ENOX1: variants seen among roughly 807,000 people sequenced by gnomAD.
ENOX1 encodes candidate growth-related and time keeping constitutive hydroquinone (NADH) oxidase.
In ENOX1, 42 loss-of-function variants were observed where a neutral mutation model predicts 82.5. That is an observed-to-expected ratio of 0.51 (90% confidence interval 0.40 to 0.66). The LOEUF is 0.66. ENOX1 is among the 30% of genes least tolerant of loss of function. The pLI is 0.00. For synonymous variants in ENOX1, 271 were observed against 282.2 expected (o/e 0.96, Z 0.40); for missense variants, 608 against 811.6 (o/e 0.75, Z 3.05).
At position 43,213,538 on chromosome 13, in the gene ENOX1, C is replaced by CTTTTTTTTTTTT. The variant is rs2041290346; in HGVS notation, c.*451_*452insAAAAAAAAAAAA. 4 of 97,866 alleles carry CTTTTTTTTTTTT rather than the reference C, an allele frequency of 4.1e-5. No individual in the cohort carries two copies. The highest frequency in any genetic ancestry group is 6.3e-5 in the Non-Finnish European group (3 of 47,516). 6.1% of individuals were successfully genotyped at this position (97,866 alleles called of 1,614,324 possible). ...TTTTCTTTTTTCTTTTTTTCTTTTT[C>CTTTTTTTTTTTT]TTTTTCTTTTTTTTTTTTTTTTTTT... On this transcript the variant is annotated 3_prime_UTR_variant, in exon 17 of 17. Transcript: ENST00000690772.
intron 11 of ENOX1, among the ~76,000 whole-genome samples, chr13:43,300,972 C>T (rs960449615): frequency 6.6e-6 from 1 of 152,172 alleles, no homozygotes; most frequent in South Asian, 2.1e-4. Context: ...TGTCCACACC[C>T]TGAGATACCA....
intron 5 of ENOX1, among the ~76,000 whole-genome samples, chr13:43,410,625 TACACAC>T (rs60371956): frequency 4.1e-5 from 6 of 146,928 alleles, no homozygotes; most frequent in South Asian, 2.2e-4. Context: ...TACACACATG[TACACAC>T]ACACACACAC....
At chr13:43,254,102 A>G (rs758533735) in intron 14 of ENOX1, among the ~76,000 whole-genome samples, 1 of 152,138 alleles carries the variant, frequency 6.6e-6, no homozygotes, top group African/African-American at 2.4e-5. Flanking sequence ...CATTTTGTTA[A>G]ACTTTAAATT....
At chr13:43,582,253 A>T (rs995287169) in intron 2 of ENOX1, among the ~76,000 whole-genome samples, 7 of 152,122 alleles carry the variant, frequency 4.6e-5, no homozygotes, top group African/African-American at 1.4e-4. Flanking sequence ...TTTAAAAAAA[A>T]TCCACAGGAT....
At chr13:43,250,073 A>G (rs911181283) in intron 14 of ENOX1, among the ~76,000 whole-genome samples, 4 of 151,378 alleles carry the variant, frequency 2.6e-5, no homozygotes, top group Non-Finnish European at 1.5e-5. Flanking sequence ...CATTTTATAG[A>G]TTAAACACTG....
chr13:43,405,815 G>T (rs1028617143), intron 5 of ENOX1, among the ~76,000 whole-genome samples: 2 of 152,186 alleles, frequency 1.3e-5, no homozygotes, highest in African/African-American at 4.8e-5. Flanking sequence ...CTCTATAGGG[G>T]TTACAAACAT....
At chr13:43,745,514 A>T (rs1173699623) in intron 1 of ENOX1, among the ~76,000 whole-genome samples, 1 of 152,204 alleles carries the variant, frequency 6.6e-6, no homozygotes, top group Non-Finnish European at 1.5e-5. Context: ...CACATACACT[A>T]TATTTTTAAA....
chr13:43,258,037 G>A (rs1170069357), intron 14 of ENOX1, among the ~76,000 whole-genome samples: 1 of 152,176 alleles, frequency 6.6e-6, no homozygotes, highest in Non-Finnish European at 1.5e-5. Context: ...GACCAAGCAG[G>A]TACCACCAAC....
intron 3 of ENOX1, among the ~76,000 whole-genome samples, chr13:43,430,470 C>G (rs1456258961): frequency 6.6e-6 from 1 of 152,110 alleles, no homozygotes. Flanking sequence ...TCTTTATTCC[C>G]TCTTTTTTTT....
At chr13:43,474,120 G>A (rs917328938) in intron 3 of ENOX1, among the ~76,000 whole-genome samples, 1 of 152,138 alleles carries the variant, frequency 6.6e-6, no homozygotes, top group African/African-American at 2.4e-5. Context: ...AAACTGTTGT[G>A]ATTCCTTCCA....
At chr13:43,561,589 A>G (rs1436890843) in intron 2 of ENOX1, among the ~76,000 whole-genome samples, 1 of 152,188 alleles carries the variant, frequency 6.6e-6, no homozygotes, top group Admixed American at 6.5e-5. Context: ...TACATATAGC[A>G]CAATAGAAAA....
intron 2 of ENOX1, among the ~76,000 whole-genome samples, chr13:43,607,511 TAA>T (rs2082027796): frequency 6.6e-6 from 1 of 152,170 alleles, no homozygotes; most frequent in Non-Finnish European, 1.5e-5. Flanking sequence ...ACAAAAATGT[TAA>T]GTCTGGCCAT....
intron 2 of ENOX1, among the ~76,000 whole-genome samples, chr13:43,666,208 T>C (rs2084970071): frequency 1.3e-5 from 2 of 152,044 alleles, no homozygotes; most frequent in East Asian, 1.9e-4. Context: ...GCCACAAACC[T>C]TCAATTTGTA....
chr13:43,557,072 T>C (rs2079473342), intron 2 of ENOX1, among the ~76,000 whole-genome samples: 1 of 152,162 alleles, frequency 6.6e-6, no homozygotes, highest in African/African-American at 2.4e-5. Context: ...TGCAGATCAG[T>C]GGTAGGTCAG....
At chr13:43,348,542 A>G (rs2049546380) in intron 8 of ENOX1, among the ~76,000 whole-genome samples, 1 of 152,254 alleles carries the variant, frequency 6.6e-6, no homozygotes, top group Non-Finnish European at 1.5e-5. Context: ...TTGCAGATAC[A>G]AGCAATTCAT....
chr13:43,470,632 A>G (rs2058029537), intron 3 of ENOX1, among the ~76,000 whole-genome samples: 1 of 151,508 alleles, frequency 6.6e-6, no homozygotes. Flanking sequence ...ATATATTTTT[A>G]TATATGGCTC....
chr13:43,241,819 A>G (rs1489871593), intron 14 of ENOX1, among the ~76,000 whole-genome samples: 1 of 152,222 alleles, frequency 6.6e-6, no homozygotes, highest in Non-Finnish European at 1.5e-5. Flanking sequence ...CTCATCACTT[A>G]CTTTGAGAAA....
chr13:43,761,403 T>C (rs1950964463), intron 1 of ENOX1, among the ~76,000 whole-genome samples: 1 of 152,200 alleles, frequency 6.6e-6, no homozygotes, highest in Non-Finnish European at 1.5e-5. Context: ...CACCTTGAAA[T>C]TACTTCAGAT....
At chr13:43,628,181 AC>A (rs1199051603) in intron 2 of ENOX1, among the ~76,000 whole-genome samples, 4 of 152,244 alleles carry the variant, frequency 2.6e-5, no homozygotes, top group African/African-American at 9.6e-5. Flanking sequence ...ATCTTCAGGT[AC>A]TTTTCCAGCA....
Sources: gnomAD v4.1 joint callset for allele counts (sites outside exome capture counted in the v4.1 genomes callset) on GRCh38, gnomAD v4.1.1 for gene constraint, MANE v1.5 for transcripts, NCBI Gene and HGNC (gene_info 2026-07-23, HGNC 2026-07-21) for gene names.